LSR: variants seen among roughly 807,000 people sequenced by gnomAD.
The protein encoded by LSR is lipolysis stimulated lipoprotein receptor.
LSR carries 44 observed loss-of-function variants against 61.8 expected under a neutral mutation model. The observed-to-expected ratio is 0.71, with a 90% CI of 0.56 to 0.91. LSR has a LOEUF of 0.91. LSR is among the 40% of genes least tolerant of loss of function. The pLI is 0.00. For synonymous variants in LSR, 397 were observed against 350.6 expected, an observed-to-expected ratio of 1.13 and a Z score of -1.48; for missense variants, 911 against 830.5, an observed-to-expected ratio of 1.10 and a Z score of -1.19.
chr19:35,262,744 G>C (rs760142168), intron 5 of LSR, 52 bp downstream of exon 5: 3 of 1,591,128 alleles, frequency 1.9e-6, no homozygotes, highest in Non-Finnish European at 2.6e-6. Flanking sequence ...CTGCATCCAA[G>C]GGAAGGAGGT....
chr19:35,263,449 G>A (rs1008651526), intron 5 of LSR, among the ~76,000 whole-genome samples: 3 of 152,072 alleles, frequency 2.0e-5, no homozygotes, highest in Admixed American at 6.5e-5. Context: ...TCAAACTCCC[G>A]GGTTCAAGCA....
chr19:35,255,825 T>G (rs767893549), intron 2 of LSR, among the ~76,000 whole-genome samples: 3 of 152,230 alleles, frequency 2.0e-5, no homozygotes, highest in Non-Finnish European at 2.9e-5. Flanking sequence ...GTTAACATTT[T>G]ATATTTGTCT....
intron 2 of LSR, among the ~76,000 whole-genome samples, chr19:35,252,085 C>A (rs1411579113): frequency 6.6e-6 from 1 of 151,568 alleles, no homozygotes; most frequent in Non-Finnish European, 1.5e-5. Context: ...CCGCCCGCCT[C>A]GGCCTCCCAA....
At position 35,250,339 on chromosome 19, in the gene LSR, C is replaced by T. The variant is rs1194058689; in HGVS notation, c.134C>T (p.Thr45Ile). 2 of 1,558,946 alleles carry T rather than the reference C, an allele frequency of 1.3e-6. No homozygotes were observed. The highest frequency in any genetic ancestry group is 1.7e-6 in the Non-Finnish European group (2 of 1,145,354). Residue 45 changes from threonine (T) to isoleucine (I), a missense_variant, in exon 2 of 10, where the codon ACC (threonine) becomes ATC (isoleucine). Transcript: ENST00000605618. ...CTAPARAIQV[T>I]VSNPYHVVIL... is the part of the protein sequence containing the mutation. Reference sequence around the variant, plus strand: ...GCTCCTGCCAGGGCCATCCAGGTGACCGTGTCCAACCCCTACCACGTGGTG... The same window carrying T: ...GCTCCTGCCAGGGCCATCCAGGTGATCGTGTCCAACCCCTACCACGTGGTG...
chr19:35,262,731 A>G (rs2065947080), intron 5 of LSR, 39 bp downstream of exon 5: 1 of 1,600,524 alleles, frequency 6.2e-7, no homozygotes, highest in Non-Finnish European at 8.5e-7. Context: ...TTTGGGCAAC[A>G]TCCTGCATCC....
chr19:35,267,773 G>GCC, intron 9 of LSR, 39 bp downstream of exon 9: 1 of 1,613,484 alleles, frequency 6.2e-7, no homozygotes. Flanking sequence ...CCGTCCCTGG[G>GCC]CCCCCAGCCG....
chr19:35,252,796 T>G (rs2065810721), intron 2 of LSR, among the ~76,000 whole-genome samples: 1 of 152,012 alleles, frequency 6.6e-6, no homozygotes, highest in Non-Finnish European at 1.5e-5. Flanking sequence ...GAGGATCACT[T>G]GAGCCTAGGA....
chr19:35,250,859 G>A (rs567269918), intron 2 of LSR, among the ~76,000 whole-genome samples, 200 bp downstream of exon 2: 8 of 149,932 alleles, frequency 5.3e-5, no homozygotes, highest in African/African-American at 1.7e-4. Context: ...GCAGTGGTGC[G>A]ATCTCAGCTC....
At position 35,262,000 on chromosome 19, in the gene LSR, G is replaced by C; in HGVS notation, c.631+19G>C. ...ATAGAAGGTACGGGGGGTGGATCCT[G>C]AGTTGGGCTTCTCGGGAGCTCCCAT... On this transcript the variant is annotated intron_variant, in intron 4 of 9. Transcript: ENST00000605618. 4 of 1,522,292 alleles carry C rather than the reference G, an allele frequency of 2.6e-6. No homozygotes were observed. The highest frequency in any genetic ancestry group is 2.6e-5 in the Admixed American group (1 of 38,744). 94.3% of individuals were successfully genotyped at this position (1,522,292 alleles called of 1,614,324 possible). A position where few individuals can be genotyped will look rare whatever the true frequency, so the allele number is the denominator to read the frequency against.
At chr19:35,266,657 A>G (rs755838003) in intron 6 of LSR, 22 bp from the exon 7 acceptor site, 3 of 1,603,190 alleles carry the variant, frequency 1.9e-6, no homozygotes, top group South Asian at 2.2e-5. Context: ...GTGCGCGGCC[A>G]CTGACAGCCA....
rs2065947746 is a variant in LSR, at chr19:35,262,784, G to A, written c.778+92G>A. On this transcript the variant is annotated intron_variant, in intron 5 of 9. Coordinates refer to ENST00000605618, the MANE Select transcript of LSR (RefSeq NM_205834.4). Reference sequence around the variant, plus strand: ...ATCCACCTGCCCCCAGGACAGTGGCGTTGGTCTGGAGGGTGTGAATTTAGC... The same window carrying A: ...ATCCACCTGCCCCCAGGACAGTGGCATTGGTCTGGAGGGTGTGAATTTAGC... 8.6e-6 allele frequency: 13 copies of A among 1,508,592 alleles called. 1 individual carries two copies. The highest frequency in any genetic ancestry group is 3.7e-5 in the South Asian group (3 of 80,484). The allele number at this position is 1,508,592 out of a possible 1,614,324, so 93.5% of individuals were successfully genotyped here.
At position 35,249,088 on chromosome 19, in the gene LSR, C is replaced by G; in HGVS notation, c.66C>G (p.Asp22Glu). Residue 22 changes from aspartate to glutamate, a missense_variant, in exon 1 of 10, where the codon GAC becomes GAG. Physicochemically the swap from Asp to Glu is conservative, Grantham distance 45 (BLOSUM62 2). Transcript: ENST00000605618. ...LGSHPAAAGRDAVVFVWLLLS... is the reference protein window; with the variant it reads ...LGSHPAAAGREAVVFVWLLLS... ...CCCACCCGGCCGCCGCAGGCCGGGA[C>G]GCGGTCGTCTTCGTGTGGCTTCTGC... 6.4e-7 allele frequency: 1 copy of G among 1,556,588 alleles called. No homozygotes were observed. Among genetic ancestry groups the G allele is most frequent in the Non-Finnish European group, 8.7e-7 (1 of 1,152,126 alleles).
At chr19:35,263,862 AGTG>A (rs2065962939) in intron 5 of LSR, among the ~76,000 whole-genome samples, 1 of 151,810 alleles carries the variant, frequency 6.6e-6, no homozygotes, top group Non-Finnish European at 1.5e-5. Context: ...GCTGGAGTAA[AGTG>A]GCGTGATCTC....
chr19:35,255,013 T>C (rs568048626), intron 2 of LSR, among the ~76,000 whole-genome samples: 7 of 152,164 alleles, frequency 4.6e-5, no homozygotes, highest in African/African-American at 1.7e-4. Context: ...AGGGACCAGC[T>C]CTTGAGCTCC....
chr19:35,259,198 G>C, intron 3 of LSR, 134 bp downstream of exon 3: 1 of 1,191,664 alleles, frequency 8.4e-7, no homozygotes, highest in Non-Finnish European at 1.1e-6. Flanking sequence ...TCTCCCCCAG[G>C]CTCTGCCAGT....
At chr19:35,254,854 A>AT (rs1297989761) in intron 2 of LSR, among the ~76,000 whole-genome samples, 2 of 152,148 alleles carry the variant, frequency 1.3e-5, no homozygotes, top group African/African-American at 2.4e-5. Flanking sequence ...GGAAAACTAT[A>AT]TTTTTTGTGA....
At chr19:35,254,949 A>T (rs187796334) in intron 2 of LSR, among the ~76,000 whole-genome samples, 4 of 152,302 alleles carry the variant, frequency 2.6e-5, no homozygotes, top group Non-Finnish European at 1.5e-5. Context: ...CCCCTGGCCT[A>T]TATGATCTGT....
Position 35,250,581 on chromosome 19 carries a change from A to T in LSR, c.376A>T (p.Arg126Trp). The change falls in exon 2 of 10, where the codon AGG becomes TGG. Residue 126 changes from arginine to tryptophan, a missense_variant. Arg to Trp is a moderately radical substitution (Grantham distance 101, BLOSUM62 -3). Coordinates refer to ENST00000605618, the MANE Select transcript of LSR (RefSeq NM_205834.4). The part of the protein sequence containing the change: ...VECQDSVRTV[R>W]VVATKQGNAV... ...GTGCCAGGACAGCGTGCGCACCGTC[A>T]GGGTCGTGGCCACCAAGCAGGGCAA... 1.2e-6 allele frequency: 2 copies of T among 1,612,434 alleles called. No individual in the cohort carries two copies. Among genetic ancestry groups the T allele is most frequent in the Non-Finnish European group, 1.7e-6 (2 of 1,178,796 alleles).
rs1211846347 is a variant in LSR, at chr19:35,267,712, C to G, written c.1748C>G (p.Ser583Cys). 6.2e-7 allele frequency: 1 copy of G among 1,603,898 alleles called. No individual in the cohort carries two copies. The highest frequency in any genetic ancestry group is 8.5e-7 in the Non-Finnish European group (1 of 1,176,136). ...TACTCGGAGACCGACTCGCAGGCGT[C>G]CCGAGAGCGCAGGCTCAAGAAGGTG... ...PPYSETDSQA[S>C]RERRLKKNLA... Residue 583 changes from serine (S) to cysteine (C), a missense_variant, in exon 9 of 10, where the codon TCC becomes TGC. By Grantham distance (112) the Ser-to-Cys change is moderately radical. Transcript: ENST00000605618.
Sources: gnomAD v4.1 joint callset for allele counts (sites outside exome capture counted in the v4.1 genomes callset) on GRCh38, gnomAD v4.1.1 for gene constraint, MANE v1.5 for transcripts, NCBI Gene and HGNC (gene_info 2026-07-23, HGNC 2026-07-21) for gene names.